Variants in RP1 observed in about 807,000 individuals in gnomAD.
The protein encoded by RP1 is oxygen-regulated protein 1.
In RP1, 16 loss-of-function variants were observed where a neutral mutation model predicts 14.8. The ratio of observed to expected loss-of-function variants is 1.08; its 90% CI spans 0.73 to 1.65. RP1 has a LOEUF of 1.65. Among genes scored for constraint, RP1 ranks in the 40% most tolerant of loss-of-function variants. The pLI, the probability that RP1 is intolerant of heterozygous loss-of-function variation, is 0.00. For synonymous variants in RP1, 876 were observed against 883.6 expected, an observed-to-expected ratio of 0.99 and a Z score of 0.15; for missense variants, 2,631 against 2,535.0, an observed-to-expected ratio of 1.04 and a Z score of -0.81.
At chr8:54,652,872 G>C (rs1806684760) in intron 5 of RP1, 12 of 1,529,624 alleles carry the variant, frequency 7.8e-6, no homozygotes, top group African/African-American at 1.4e-5. Context: ...AGGAGGTAAG[G>C]ATATATCAAC....
intron 1 of RP1, among the ~76,000 whole-genome samples, chr8:54,604,483 A>G (rs555925238): frequency 6.6e-6 from 1 of 152,254 alleles, no homozygotes; most frequent in Non-Finnish European, 1.5e-5. Context: ...CATCAGGGAT[A>G]TCGGTCTAAA....
intron 24 of RP1, among the ~76,000 whole-genome samples, chr8:54,823,674 G>A (rs1811312057): frequency 6.6e-6 from 1 of 152,264 alleles, no homozygotes; most frequent in African/African-American, 2.4e-5. Flanking sequence ...TGGTATGGAT[G>A]TATGGCAGTT....
rs1030436963 is a variant in RP1, at chr8:54,626,701, A to G, written c.2819A>G (p.Asn940Ser). 8.1e-6 allele frequency: 13 copies of G among 1,613,892 alleles called. No individual in the cohort carries two copies. In the South Asian group the frequency reaches 1.4e-4, roughly 18 times the overall value. ...KPIKSAPVCR[N>S]ETSVVNCSNN... ...ATAAAATCAGCTCCAGTATGTAGAA[A>G]TGAAACGAGTGTGGTAAATTGTAGC... Residue 940 changes from asparagine (N) to serine (S), a missense_variant, in exon 4 of 4, where the codon AAT becomes AGT. Asn to Ser is a conservative substitution (Grantham distance 46, BLOSUM62 1). Transcript: ENST00000220676.
rs1208917881 is a variant in RP1 at position 54,622,301 on chromosome 8, T to C, written c.787+13T>C. 6.2e-7 allele frequency: 1 copy of C among 1,613,412 alleles called. No homozygotes were observed. The highest frequency in any genetic ancestry group is 8.5e-7 in the Non-Finnish European group (1 of 1,179,620). On this transcript the variant is annotated intron_variant, in intron 3 of 3. Transcript: ENST00000220676. ...GAAAGCAGAAAGAGTAAGTCACTTATTAATATATAGCCCATATTTTTAGCC... is the reference window on the plus strand; with the variant it reads ...GAAAGCAGAAAGAGTAAGTCACTTACTAATATATAGCCCATATTTTTAGCC...
intron 26 of RP1, among the ~76,000 whole-genome samples, chr8:54,856,421 G>A (rs972033793): frequency 5.9e-5 from 9 of 152,036 alleles, no homozygotes; most frequent in South Asian, 2.1e-4. Flanking sequence ...ATTTTAAAAC[G>A]TCCTATGCGT....
chr8:54,637,270 T>C (rs1382404486), intron 3 of RP1, among the ~76,000 whole-genome samples: 1 of 152,124 alleles, frequency 6.6e-6, no homozygotes, highest in Non-Finnish European at 1.5e-5. Context: ...TCCTGGGTGG[T>C]CCTGAGTGGG....
At chr8:54,746,278 G>C (rs1303000344) in intron 19 of RP1, among the ~76,000 whole-genome samples, 3 of 152,178 alleles carry the variant, frequency 2.0e-5, no homozygotes, top group African/African-American at 4.8e-5. Context: ...ATTTTGAGCA[G>C]GGAACACCTG....
At chr8:54,781,354 G>A (rs1167498745) in intron 23 of RP1, among the ~76,000 whole-genome samples, 1 of 152,150 alleles carries the variant, frequency 6.6e-6, no homozygotes, top group Non-Finnish European at 1.5e-5. Flanking sequence ...ATTAACAGAT[G>A]ACAACATTTT....
At chr8:54,801,571 T>C (rs1401023728) in intron 24 of RP1, among the ~76,000 whole-genome samples, 1 of 151,982 alleles carries the variant, frequency 6.6e-6, no homozygotes, top group African/African-American at 2.4e-5. Flanking sequence ...GATTCAGGAC[T>C]TCCGCCTTGG....
intron 1 of RP1, among the ~76,000 whole-genome samples, chr8:54,570,111 G>A (rs1324452625): frequency 1.3e-5 from 2 of 152,050 alleles, no homozygotes; most frequent in East Asian, 1.9e-4. Flanking sequence ...ACGTCCCCAC[G>A]CTTGTACCCT....
chr8:54,580,909 G>A lies in RP1; in HGVS notation c.-13+21589G>A, dbSNP rs183205249. Among the ~76,000 whole-genome samples, 152 of 152,278 alleles carry A rather than the reference G, an allele frequency of 1.0e-3. 1 individual carries two copies. Among genetic ancestry groups the A allele is most frequent in the African/African-American group, 3.5e-3 (144 of 41,574 alleles). ...TGGGAGTACAGGCATGAGCAACTGC[G>A]CCTGGCCCAACATATACATTTTTAA... On this transcript the variant is annotated intron_variant, in intron 1 of 22. Coordinates refer to the RP1 transcript ENST00000636932.
At chr8:54,828,469 T>G (rs1811437980) in intron 24 of RP1, among the ~76,000 whole-genome samples, 1 of 152,178 alleles carries the variant, frequency 6.6e-6, no homozygotes, top group Non-Finnish European at 1.5e-5. Context: ...TTTGCTTCTT[T>G]TCTTACCATG....
chr8:54,774,328 GC>G (rs955705678), downstream of RP1, among the ~76,000 whole-genome samples: 2 of 152,170 alleles, frequency 1.3e-5, no homozygotes, highest in Non-Finnish European at 2.9e-5. Flanking sequence ...AAGCTGAGAT[GC>G]CAGAGGAACC....
rs1405012172 is a variant in RP1, at chr8:54,609,294, T to TA, written c.-12-11650dup. On this transcript the variant is annotated intron_variant, in intron 1 of 22. Transcript: ENST00000636932. ...AGGGAAACAAAGTGAGACCCAGTCT[T>TA]AAAAAAAAAAATAGCTGGGTGTGGT... Among the ~76,000 whole-genome samples the TA allele has an allele frequency of 1.4e-3, 205 of 146,268 alleles. 1 individual carries two copies. The highest frequency in any genetic ancestry group is 4.3e-3 in the African/African-American group (174 of 40,018).
At chr8:54,590,787 G>T (rs1805028898) in intron 1 of RP1, among the ~76,000 whole-genome samples, 1 of 152,118 alleles carries the variant, frequency 6.6e-6, no homozygotes, top group East Asian at 1.9e-4. Context: ...CTGAGCTTCA[G>T]ACTCAGATAG....
chr8:54,709,779 A>G (rs142882888), intron 15 of RP1, among the ~76,000 whole-genome samples: 247 of 152,330 alleles, frequency 1.6e-3, no homozygotes, highest in African/African-American at 5.8e-3. Context: ...TGAAGGCAAC[A>G]CATGTGTGTA....
chr8:54,844,772 T>A (rs1811874703), intron 25 of RP1, among the ~76,000 whole-genome samples: 1 of 152,194 alleles, frequency 6.6e-6, no homozygotes, highest in African/African-American at 2.4e-5. Context: ...TCTTATGTGA[T>A]CCTATAGTTG....
At chr8:54,564,937 G>A (rs987280438) in intron 1 of RP1, among the ~76,000 whole-genome samples, 1 of 152,092 alleles carries the variant, frequency 6.6e-6, no homozygotes, top group African/African-American at 2.4e-5. Flanking sequence ...TTTATTTTTT[G>A]TAGAGATGAG....
chr8:54,600,097 A>G (rs1045943543), intron 1 of RP1, among the ~76,000 whole-genome samples: 4 of 152,122 alleles, frequency 2.6e-5, no homozygotes, highest in East Asian at 1.9e-4. Flanking sequence ...AGCTTCCACA[A>G]TTCCCACATG....
Sources: gnomAD v4.1 joint callset for allele counts (sites outside exome capture counted in the v4.1 genomes callset) on GRCh38, gnomAD v4.1.1 for gene constraint, MANE v1.5 for transcripts, NCBI Gene and HGNC (gene_info 2026-07-23, HGNC 2026-07-21) for gene names.